Variants in GRIP1 observed in about 807,000 individuals in gnomAD.
The protein encoded by GRIP1 is glutamate receptor-interacting protein 1.
A neutral mutation model predicts 129.9 loss-of-function variants in GRIP1; 45 were observed. The observed-to-expected ratio is 0.35, with a 90% CI of 0.27 to 0.44. The LOEUF (loss-of-function observed/expected upper bound fraction) is 0.44, where lower values mean the gene tolerates loss of function less well. Ranked by LOEUF, GRIP1 falls within the 20% of genes least tolerant of loss-of-function variation. GRIP1 has a pLI of 1.00. For missense variants in GRIP1, 1,196 were observed against 1,396.8 expected (o/e 0.86, Z 2.29); for synonymous variants, 530 against 520.8 (o/e 1.02, Z -0.24).
chr12:66,608,972 T>TA lies in GRIP1; in HGVS notation c.56-12046_56-12045insT, dbSNP rs199912316. ...TTATTATTATTATATTATATATATA[T>TA]TTTTTTACAGCACTTATAATCCTAC... On this transcript the variant is annotated intron_variant, in intron 1 of 24. Coordinates refer to ENST00000359742, the MANE Select transcript of GRIP1 (RefSeq NM_001366722.1). 8.0e-3 allele frequency among the ~76,000 whole-genome samples: 1,164 copies of TA among 145,098 alleles called. 9 individuals are homozygous for TA. The highest frequency in any genetic ancestry group is 0.013 in the Non-Finnish European group (862 of 65,804).
At chr12:66,831,164 C>T (rs2039510322) in intron 1 of GRIP1, among the ~76,000 whole-genome samples, 1 of 152,066 alleles carries the variant, frequency 6.6e-6, no homozygotes, top group Non-Finnish European at 1.5e-5. Flanking sequence ...TCCTCAGGAA[C>T]CATCTGAAAC....
At chr12:66,953,792 C>G (rs904580777) in intron 1 of GRIP1, among the ~76,000 whole-genome samples, 6 of 152,106 alleles carry the variant, frequency 3.9e-5, no homozygotes, top group African/African-American at 1.4e-4. Context: ...CTGAGTAATT[C>G]TGTATCAGCT....
chr12:66,836,559 A>G (rs1382998963), intron 1 of GRIP1, among the ~76,000 whole-genome samples: 1 of 148,916 alleles, frequency 6.7e-6, no homozygotes, highest in Non-Finnish European at 1.5e-5. Flanking sequence ...GAGAAAATAC[A>G]CAAGTGTGAT....
intron 1 of GRIP1, among the ~76,000 whole-genome samples, chr12:66,800,389 G>A (rs1013603932): frequency 1.2e-4 from 18 of 151,952 alleles, no homozygotes; most frequent in Admixed American, 7.9e-4. Flanking sequence ...AGATGCTAGC[G>A]CTGTACATGA....
At chr12:66,646,107 A>T (rs1013501600) in intron 1 of GRIP1, among the ~76,000 whole-genome samples, 1 of 152,248 alleles carries the variant, frequency 6.6e-6, no homozygotes, top group African/African-American at 2.4e-5. Flanking sequence ...AAGAAATTCT[A>T]AACACAAAAA....
At chr12:66,546,551 C>T (rs942738155) in intron 2 of GRIP1, among the ~76,000 whole-genome samples, 2 of 151,992 alleles carry the variant, frequency 1.3e-5, no homozygotes, top group African/African-American at 4.8e-5. Flanking sequence ...ATCACTGGAA[C>T]AAAACAGAGG....
intron 1 of GRIP1, among the ~76,000 whole-genome samples, chr12:67,017,378 TGGCATTAGGTTG>T (rs2042803390): frequency 6.6e-6 from 1 of 152,000 alleles, no homozygotes; most frequent in South Asian, 2.1e-4. Context: ...ATGAAGGTAG[TGGCATTAGGTTG>T]GGCCTTGAAG....
chr12:66,633,869 A>T (rs1249227176), intron 1 of GRIP1, among the ~76,000 whole-genome samples: 2 of 152,216 alleles, frequency 1.3e-5, no homozygotes, highest in Non-Finnish European at 2.9e-5. Context: ...ACATCCTTTA[A>T]GCACACTTGA....
At chr12:66,976,758 G>A (rs1386740207) in intron 1 of GRIP1, among the ~76,000 whole-genome samples, 1 of 152,168 alleles carries the variant, frequency 6.6e-6, no homozygotes, top group East Asian at 1.9e-4. Flanking sequence ...CTGGCCAAAA[G>A]AGTATTTCAT....
chr12:66,488,710 A>AATAG (rs60562883), intron 7 of GRIP1, among the ~76,000 whole-genome samples: 110,806 of 151,244 alleles, frequency 0.73, 41,779 homozygotes, highest in African/African-American at 0.91. Context: ...AAATTAATAA[A>AATAG]ATAGACCACT....
At chr12:66,801,062 A>C (rs147141951) in intron 1 of GRIP1, among the ~76,000 whole-genome samples, 2 of 152,236 alleles carry the variant, frequency 1.3e-5, no homozygotes, top group East Asian at 3.9e-4. Context: ...AATACCAATG[A>C]AAATTCTCCA....
At chr12:66,856,628 A>T (rs956671308) in intron 1 of GRIP1, among the ~76,000 whole-genome samples, 1 of 151,882 alleles carries the variant, frequency 6.6e-6, no homozygotes, top group Non-Finnish European at 1.5e-5. Flanking sequence ...AAAAATGCTC[A>T]TCATCACTGG....
intron 1 of GRIP1, among the ~76,000 whole-genome samples, chr12:66,655,438 G>C (rs2033087560): frequency 6.6e-6 from 1 of 151,954 alleles, no homozygotes; most frequent in Non-Finnish European, 1.5e-5. Flanking sequence ...TCCCACACCA[G>C]TGTGGTACAT....
intron 1 of GRIP1, among the ~76,000 whole-genome samples, chr12:66,773,982 T>C (rs898338998): frequency 6.6e-6 from 1 of 151,944 alleles, no homozygotes; most frequent in Non-Finnish European, 1.5e-5. Flanking sequence ...GATTAATCTC[T>C]GCATAGTCAT....
intron 1 of GRIP1, among the ~76,000 whole-genome samples, chr12:66,940,956 A>T (rs577242959): frequency 1.0e-3 from 153 of 152,298 alleles, no homozygotes; most frequent in African/African-American, 2.9e-3. Flanking sequence ...TCCATTTCTG[A>T]TATCAGTTTT....
intron 1 of GRIP1, among the ~76,000 whole-genome samples, chr12:66,857,556 GA>G (rs61311434): frequency 0.032 from 4,020 of 125,668 alleles, 113 homozygotes; most frequent in African/African-American, 0.091. Context: ...CTAGTCTCAG[GA>G]AAAAAAAAAA....
intron 1 of GRIP1, among the ~76,000 whole-genome samples, chr12:66,949,799 G>A (rs1159398804): frequency 5.8e-5 from 7 of 120,554 alleles, no homozygotes; most frequent in South Asian, 2.6e-4. Context: ...ATGGAGTCTC[G>A]CTCAGTCGCC....
chr12:67,068,326 C>T (rs1456888805), intron 1 of GRIP1, among the ~76,000 whole-genome samples: 2 of 152,172 alleles, frequency 1.3e-5, no homozygotes, highest in Admixed American at 1.3e-4. Context: ...GGCAGAGAGC[C>T]GCCTTTTGCA....
chr12:66,594,707 A>G (rs1412894240), intron 2 of GRIP1, among the ~76,000 whole-genome samples: 1 of 152,116 alleles, frequency 6.6e-6, no homozygotes, highest in African/African-American at 2.4e-5. Flanking sequence ...AAGAGGATAC[A>G]TTTACTTGGC....
Sources: gnomAD v4.1 joint callset for allele counts (sites outside exome capture counted in the v4.1 genomes callset) on GRCh38, gnomAD v4.1.1 for gene constraint, MANE v1.5 for transcripts, NCBI Gene and HGNC (gene_info 2026-07-23, HGNC 2026-07-21) for gene names.